DTNA: variants seen among roughly 807,000 people sequenced by gnomAD.
DTNA encodes the protein dystrophin-related protein 3.
In DTNA, 43 loss-of-function variants were observed where a neutral mutation model predicts 100.7. That is an observed-to-expected ratio of 0.43 (90% confidence interval 0.33 to 0.55). DTNA has a LOEUF of 0.55. DTNA is among the 20% of genes least tolerant of loss of function. The pLI, the probability that DTNA is intolerant of heterozygous loss-of-function variation, is 0.04. For missense variants in DTNA, 798 were observed against 953.9 expected (o/e 0.84, Z 2.15); for synonymous variants, 349 against 347.9 (o/e 1.00, Z -0.04).
At chr18:34,753,896 A>G (rs1214468344) in intron 1 of DTNA, among the ~76,000 whole-genome samples, 14 of 152,248 alleles carry the variant, frequency 9.2e-5, no homozygotes, top group Admixed American at 8.5e-4. Context: ...TGAATTAGGA[A>G]GGGAGTGTTT....
At chr18:34,678,298 C>T (rs2077640792) in intron 1 of DTNA, among the ~76,000 whole-genome samples, 1 of 152,066 alleles carries the variant, frequency 6.6e-6, no homozygotes, top group Non-Finnish European at 1.5e-5. Flanking sequence ...TTTAGTACCT[C>T]AAATCATAGG....
chr18:34,793,867 T>C (rs552688418), intron 3 of DTNA, among the ~76,000 whole-genome samples, 170 bp from the exon 4 acceptor site: 7 of 152,342 alleles, frequency 4.6e-5, no homozygotes, highest in African/African-American at 1.7e-4. Context: ...GTAATGCACA[T>C]CAAGTCTTAG....
intron 1 of DTNA, among the ~76,000 whole-genome samples, chr18:34,577,405 T>C (rs2048210377): frequency 6.6e-6 from 1 of 152,176 alleles, no homozygotes; most frequent in South Asian, 2.1e-4. Context: ...TGGTTTTTTA[T>C]TCAGTCTGAT....
At chr18:34,770,006 C>T (rs2093687507) in intron 3 of DTNA, among the ~76,000 whole-genome samples, 1 of 152,144 alleles carries the variant, frequency 6.6e-6, no homozygotes, top group South Asian at 2.1e-4. Flanking sequence ...CAGGTGTGAG[C>T]CACAACGCCT....
chr18:34,643,670 C>A (rs2059535704), intron 1 of DTNA, among the ~76,000 whole-genome samples: 1 of 152,144 alleles, frequency 6.6e-6, no homozygotes, highest in Non-Finnish European at 1.5e-5. Context: ...GACCAGTATC[C>A]CAATTTTAAC....
At chr18:34,505,220 C>T (rs191032303) in intron 1 of DTNA, among the ~76,000 whole-genome samples, 3 of 152,248 alleles carry the variant, frequency 2.0e-5, no homozygotes, top group Admixed American at 6.5e-5. Flanking sequence ...ACTACAATCC[C>T]TTCCTTGGAT....
At chr18:34,591,079 A>G (rs1439534437) in intron 1 of DTNA, among the ~76,000 whole-genome samples, 1 of 152,196 alleles carries the variant, frequency 6.6e-6, no homozygotes, top group Non-Finnish European at 1.5e-5. Flanking sequence ...TAGTTTACTC[A>G]TTACTGGGAA....
At chr18:34,627,378 G>C (rs1434320710) in intron 1 of DTNA, among the ~76,000 whole-genome samples, 1 of 152,058 alleles carries the variant, frequency 6.6e-6, no homozygotes, top group African/African-American at 2.4e-5. Flanking sequence ...TTCTACTGAA[G>C]TCTCCACTGC....
chr18:34,695,291 T>C (rs926423086), intron 1 of DTNA, among the ~76,000 whole-genome samples: 2 of 152,166 alleles, frequency 1.3e-5, no homozygotes, highest in African/African-American at 4.8e-5. Context: ...ACTGCAAGCA[T>C]GAAGGTTTTT....
At chr18:34,830,259 T>C (rs1464078010) in intron 11 of DTNA, among the ~76,000 whole-genome samples, 1 of 152,000 alleles carries the variant, frequency 6.6e-6, no homozygotes, top group Non-Finnish European at 1.5e-5. Flanking sequence ...TGCCAGTCAG[T>C]ATAGGGCAGC....
intron 1 of DTNA, chr18:34,683,572 A>G (rs1338908541): frequency 6.6e-6 from 1 of 152,122 alleles, no homozygotes; most frequent in Non-Finnish European, 1.5e-5. Flanking sequence ...ATTTTCATCT[A>G]TTCAACCAAT....
Position 34,642,508 on chromosome 18 carries a change from T to C in DTNA, c.-1-113468T>C, listed in dbSNP as rs112916337. Among the ~76,000 whole-genome samples, 27 of 143,806 alleles carry C rather than the reference T, an allele frequency of 1.9e-4. 1 individual carries two copies. Among genetic ancestry groups the C allele is most frequent in the African/African-American group, 5.9e-4 (20 of 34,090 alleles). 94.3% of individuals were successfully genotyped at this position (143,806 alleles called of 152,430 possible). ...GCTTTCCTTCCTTCCTTCCTTCCTT[T>C]CTTTCTTTCCTTCTTTCCTTCTTTC... On this transcript the variant is annotated intron_variant, in intron 1 of 19. Coordinates refer to the DTNA transcript ENST00000283365.
intron 1 of DTNA, among the ~76,000 whole-genome samples, chr18:34,695,531 G>T (rs2080407698): frequency 6.6e-6 from 1 of 152,154 alleles, no homozygotes; most frequent in Non-Finnish European, 1.5e-5. Flanking sequence ...CAGAGAGTCT[G>T]AAGAACATAA....
intron 1 of DTNA, among the ~76,000 whole-genome samples, chr18:34,553,611 T>C (rs1431596698): frequency 6.6e-6 from 1 of 152,146 alleles, no homozygotes; most frequent in Non-Finnish European, 1.5e-5. Context: ...TAGCCAGTTT[T>C]CCCAGCACCA....
chr18:34,632,990 T>TA (rs1221787676), intron 1 of DTNA, among the ~76,000 whole-genome samples: 1 of 152,160 alleles, frequency 6.6e-6, no homozygotes, highest in African/African-American at 2.4e-5. Context: ...TAGAGAGGAT[T>TA]AAAAAAATTC....
chr18:34,508,861 C>CAT (rs1263794182), intron 1 of DTNA, among the ~76,000 whole-genome samples: 2 of 152,148 alleles, frequency 1.3e-5, no homozygotes, highest in Non-Finnish European at 2.9e-5. Flanking sequence ...GTTTCAATTA[C>CAT]ATATACCCTT....
chr18:34,827,812 G>A, intron 10 of DTNA, 136 bp downstream of exon 10: 1 of 922,020 alleles, frequency 1.1e-6, no homozygotes. Context: ...TCCATTATAA[G>A]TTTTCAATTT....
chr18:34,698,442 G>A (rs2080905094), intron 1 of DTNA, among the ~76,000 whole-genome samples: 1 of 152,124 alleles, frequency 6.6e-6, no homozygotes, highest in Admixed American at 6.5e-5. Flanking sequence ...GCATTCCTTG[G>A]CTTGCAGCTG....
chr18:34,500,000 CTTTG>C (rs1419448250), intron 1 of DTNA, among the ~76,000 whole-genome samples: 1 of 152,114 alleles, frequency 6.6e-6, no homozygotes, highest in Non-Finnish European at 1.5e-5. Flanking sequence ...ATTCCTCCCA[CTTTG>C]TTTTTCTTTT....
Sources: gnomAD v4.1 joint callset for allele counts (sites outside exome capture counted in the v4.1 genomes callset) on GRCh38, gnomAD v4.1.1 for gene constraint, MANE v1.5 for transcripts, NCBI Gene and HGNC (gene_info 2026-07-23, HGNC 2026-07-21) for gene names.